Variants in BRINP3 observed in about 807,000 individuals in gnomAD.
The protein encoded by BRINP3 is BMP/retinoic acid-inducible neural-specific protein 3.
BRINP3 carries 19 observed loss-of-function variants against 71.0 expected under a neutral mutation model. The ratio of observed to expected loss-of-function variants is 0.27; its 90% CI spans 0.19 to 0.39. The LOEUF is 0.39. Ranked by LOEUF, BRINP3 falls within the 10% of genes least tolerant of loss-of-function variation. BRINP3 has a pLI of 1.00. For synonymous variants in BRINP3, 380 were observed against 337.7 expected (o/e 1.13, Z -1.37); for missense variants, 959 against 940.8 (o/e 1.02, Z -0.25).
chr1:190,169,907 G>A (rs1651866419), intron 6 of BRINP3, among the ~76,000 whole-genome samples: 1 of 152,030 alleles, frequency 6.6e-6, no homozygotes, highest in South Asian at 2.1e-4. Flanking sequence ...GCAGTCCTAG[G>A]AGGTGGGTCC....
chr1:190,474,785 A>T (rs1207389027), intron 1 of BRINP3: 2 of 151,806 alleles, frequency 1.3e-5, no homozygotes, highest in African/African-American at 2.4e-5. Context: ...CTTGGGGACT[A>T]GGAGAACAGC....
At chr1:190,336,758 A>T (rs1438600535) in intron 2 of BRINP3, among the ~76,000 whole-genome samples, 4 of 151,742 alleles carry the variant, frequency 2.6e-5, no homozygotes, top group African/African-American at 4.8e-5. Flanking sequence ...AAATTGAATA[A>T]TAATTCACAT....
intron 4 of BRINP3, among the ~76,000 whole-genome samples, chr1:190,262,201 A>G (rs181378043): frequency 6.6e-6 from 1 of 152,138 alleles, no homozygotes; most frequent in African/African-American, 2.4e-5. Flanking sequence ...ACAGCACACA[A>G]GCACAATGCC....
chr1:190,219,300 C>T (rs888517406), intron 6 of BRINP3, among the ~76,000 whole-genome samples: 4 of 151,988 alleles, frequency 2.6e-5, no homozygotes, highest in African/African-American at 9.7e-5. Context: ...GATTTGTGAG[C>T]TCTCTGACCA....
intron 4 of BRINP3, among the ~76,000 whole-genome samples, chr1:190,261,114 CATAAT>C (rs776292951): frequency 1.3e-5 from 2 of 151,942 alleles, no homozygotes; most frequent in Non-Finnish European, 2.9e-5. Context: ...ATATGTGTGA[CATAAT>C]ATGTCAGGTG....
intron 6 of BRINP3, among the ~76,000 whole-genome samples, chr1:190,208,526 T>C (rs1655712558): frequency 6.6e-6 from 1 of 152,040 alleles, no homozygotes; most frequent in Admixed American, 6.6e-5. Context: ...AGTCTCTTGC[T>C]CTGTCACCCA....
intron 6 of BRINP3, among the ~76,000 whole-genome samples, chr1:190,202,240 T>C (rs1187567786): frequency 6.6e-6 from 1 of 152,134 alleles, no homozygotes; most frequent in East Asian, 1.9e-4. Context: ...AAGATTTGAC[T>C]TCCCCACTGG....
At chr1:190,403,554 A>G (rs1672072666) in intron 2 of BRINP3, among the ~76,000 whole-genome samples, 1 of 152,210 alleles carries the variant, frequency 6.6e-6, no homozygotes, top group Non-Finnish European at 1.5e-5. Context: ...TATCTTCACT[A>G]CGTAGCACAG....
Position 190,098,957 on chromosome 1 carries a change from T to C in BRINP3, c.1362A>G (p.Pro454=), listed in dbSNP as rs1249759843. 6.2e-7 allele frequency: 1 copy of C among 1,614,170 alleles called. No individual in the cohort carries two copies. Among genetic ancestry groups the C allele is most frequent in the East Asian group, 2.2e-5 (1 of 44,858 alleles). ...AGGTGCCGCAGCGGGTGCGGTTGTCTGGTGCGCATGTCAGGCAGGCAGAGG... is the reference window on the plus strand; with the variant it reads ...AGGTGCCGCAGCGGGTGCGGTTGTCCGGTGCGCATGTCAGGCAGGCAGAGG... The part of the protein sequence containing the change: ...GDASACLTCA[P]DNRTRCGTCN... The change falls in exon 8 of 8, where the codon CCA becomes CCG. Residue 454 remains proline, a synonymous_variant. Transcript: ENST00000367462.
intron 3 of BRINP3, among the ~76,000 whole-genome samples, chr1:190,269,094 C>T (rs556055971): frequency 6.6e-6 from 1 of 152,132 alleles, no homozygotes; most frequent in South Asian, 2.1e-4. Context: ...TTAAACAGTG[C>T]AGGCTGACAC....
intron 3 of BRINP3, among the ~76,000 whole-genome samples, chr1:190,265,849 A>C (rs999625278): frequency 6.6e-6 from 1 of 152,214 alleles, no homozygotes; most frequent in East Asian, 1.9e-4. Context: ...CAGATAAAGC[A>C]TGTGTATGCA....
intron 6 of BRINP3, chr1:190,217,151 G>C (rs556431342): frequency 6.6e-6 from 1 of 151,898 alleles, no homozygotes; most frequent in African/African-American, 2.4e-5. Flanking sequence ...TGTAAAGAGT[G>C]CACTTGCACA....
At chr1:190,127,450 A>G (rs1029701396) in intron 7 of BRINP3, among the ~76,000 whole-genome samples, 6 of 151,926 alleles carry the variant, frequency 3.9e-5, no homozygotes, top group Non-Finnish European at 8.8e-5. Context: ...ATCAAATGTC[A>G]GTTCTACCAA....
rs547147666 is a variant in BRINP3 at position 190,202,786 on chromosome 1, C to T, written c.961+23296G>A. ...ATGTTACTTGCTCCTCCTTGCCTTC[C>T]GCCATGATTGTGAGGCCTCCCCAGC... On this transcript the variant is annotated intron_variant, in intron 6 of 7. Coordinates refer to ENST00000367462, the MANE Select transcript of BRINP3 (RefSeq NM_199051.3). Among the ~76,000 whole-genome samples, 18 of 152,190 alleles carry T rather than the reference C, an allele frequency of 1.2e-4. No homozygotes were observed. In the East Asian group the frequency reaches 2.5e-3, roughly 21 times the overall value.
chr1:190,301,178 T>TATATATGTATATATACATATATAC (rs1553283671), intron 2 of BRINP3, among the ~76,000 whole-genome samples: 4 of 41,460 alleles, frequency 9.6e-5, no homozygotes, highest in African/African-American at 1.7e-4. Flanking sequence ...TATATATACA[T>TATATATGTATATATACATATATAC]ATATATATGT....
intron 4 of BRINP3, among the ~76,000 whole-genome samples, chr1:190,257,664 G>A (rs1029814335): frequency 3.3e-5 from 5 of 152,150 alleles, no homozygotes; most frequent in African/African-American, 1.2e-4. Flanking sequence ...GGGTTTTGGT[G>A]TGGATTTCCT....
Position 190,240,869 on chromosome 1 carries a change from T to C in BRINP3, c.619-6392A>G, listed in dbSNP as rs144177047. On this transcript the variant is annotated intron_variant, in intron 4 of 7. Coordinates refer to ENST00000367462, the MANE Select transcript of BRINP3 (RefSeq NM_199051.3). ...CCTGGGCAATAAGAGTGAAACTCTG[T>C]CTCAAAAAAAAAAAAAAAAAAAAAA... is the stretch of plus-strand genomic sequence containing the variant. Among the ~76,000 whole-genome samples the C allele has an allele frequency of 2.0e-3, 165 of 80,568 alleles. 1 individual carries two copies. Among genetic ancestry groups the C allele is most frequent in the African/African-American group, 9.0e-3 (149 of 16,514 alleles). 52.9% of individuals were successfully genotyped at this position (80,568 alleles called of 152,430 possible).
chr1:190,123,921 G>A (rs888949729), intron 7 of BRINP3, among the ~76,000 whole-genome samples: 2 of 152,028 alleles, frequency 1.3e-5, no homozygotes, highest in Admixed American at 6.6e-5. Flanking sequence ...AACTTTGCCC[G>A]AGTTCTTCCC....
intron 4 of BRINP3, among the ~76,000 whole-genome samples, chr1:190,250,754 T>A (rs1044549627): frequency 3.3e-5 from 5 of 152,000 alleles, no homozygotes; most frequent in Admixed American, 6.6e-5. Flanking sequence ...CCTTGACATA[T>A]GGGAAGCAGA....
Sources: allele counts gnomAD v4.1 joint callset (sites outside exome capture counted in the v4.1 genomes callset), GRCh38; gene constraint gnomAD v4.1.1; transcripts MANE v1.5; gene names NCBI Gene and HGNC (gene_info 2026-07-23, HGNC 2026-07-21).